Variants in CELF4 observed in about 807,000 individuals in gnomAD.
CELF4 encodes the protein CUG-BP- and ETR-3-like factor 4.
In CELF4, 18 loss-of-function variants were observed where a neutral mutation model predicts 59.9. That is an observed-to-expected ratio of 0.30 (90% confidence interval 0.21 to 0.45). The LOEUF is 0.45. Among genes scored for constraint, CELF4 ranks in the 20% least tolerant of loss-of-function variants. The pLI, the probability that CELF4 is intolerant of heterozygous loss-of-function variation, is 1.00. For synonymous variants in CELF4, 261 were observed against 267.1 expected (o/e 0.98, Z 0.22); for missense variants, 456 against 689.0 (o/e 0.66, Z 3.79).
At chr18:37,352,725 G>T (rs368774400) in intron 2 of CELF4, among the ~76,000 whole-genome samples, 1 of 152,220 alleles carries the variant, frequency 6.6e-6, no homozygotes, top group African/African-American at 2.4e-5. Flanking sequence ...CTGGAGGTCA[G>T]CATTGGAAGC....
chr18:37,412,586 G>A (rs917166066), intron 2 of CELF4, among the ~76,000 whole-genome samples: 2 of 151,908 alleles, frequency 1.3e-5, no homozygotes, highest in Admixed American at 6.6e-5. Context: ...GAATGGTTGA[G>A]TGGACGGGTA....
rs578168652 is a variant in CELF4 at position 37,258,371 on chromosome 18, A to C, written c.1333+810T>G. 2.7e-5 allele frequency among the ~76,000 whole-genome samples: 4 copies of C among 149,532 alleles called. No homozygotes were observed. In the South Asian group the frequency reaches 8.5e-4, roughly 32 times the overall value. ...CTCACCCCAGCCCCATGCCTTCCTC[A>C]TCCAATTCTCCCCACGTGGAGTTCC... On this transcript the variant is annotated intron_variant, in intron 11 of 12. Transcript: ENST00000420428.
intron 1 of CELF4, among the ~76,000 whole-genome samples, chr18:37,535,004 G>A (rs949349252): frequency 1.3e-5 from 2 of 152,212 alleles, no homozygotes; most frequent in African/African-American, 4.8e-5. Context: ...TGTCTACATG[G>A]CAGGCTGACG....
chr18:37,546,314 G>A (rs1427848563), intron 1 of CELF4, among the ~76,000 whole-genome samples: 1 of 152,132 alleles, frequency 6.6e-6, no homozygotes, highest in South Asian at 2.1e-4. Context: ...CGGGATTGGA[G>A]TGTACTCACT....
intron 2 of CELF4, among the ~76,000 whole-genome samples, chr18:37,345,812 G>T (rs559804609): frequency 9.5e-4 from 145 of 152,184 alleles, no homozygotes; most frequent in Non-Finnish European, 1.7e-3. Flanking sequence ...TGAGGCTGAG[G>T]TCTCTCCAGT....
At chr18:37,348,961 C>CT (rs889146311) in intron 2 of CELF4, among the ~76,000 whole-genome samples, 22 of 152,128 alleles carry the variant, frequency 1.4e-4, no homozygotes, top group African/African-American at 4.8e-4. Flanking sequence ...TTGGGAGAGG[C>CT]TGCAGGCTGA....
chr18:37,278,192 T>C (rs2093635962), intron 3 of CELF4, among the ~76,000 whole-genome samples: 1 of 152,074 alleles, frequency 6.6e-6, no homozygotes, highest in Non-Finnish European at 1.5e-5. Context: ...TTTCTAAACA[T>C]ATAAGCTGCC....
chr18:37,525,835 C>G (rs984160583), intron 1 of CELF4, among the ~76,000 whole-genome samples: 16 of 152,184 alleles, frequency 1.1e-4, no homozygotes, highest in African/African-American at 3.9e-4. Context: ...TCACAAGATC[C>G]CTTGTTCACA....
At chr18:37,395,686 G>A (rs185381349) in intron 2 of CELF4, among the ~76,000 whole-genome samples, 12 of 152,314 alleles carry the variant, frequency 7.9e-5, no homozygotes, top group Admixed American at 6.5e-4. Context: ...TGGTAGAGGC[G>A]CTGAAGTCCA....
chr18:37,266,161 G>A (rs564710044), intron 9 of CELF4: 1 of 379,180 alleles, frequency 2.6e-6, no homozygotes, highest in African/African-American at 2.1e-5. Context: ...CCCATGGTGG[G>A]CAGCATCCAG....
chr18:37,282,770 C>G (rs2094307233), intron 3 of CELF4, among the ~76,000 whole-genome samples: 1 of 152,144 alleles, frequency 6.6e-6, no homozygotes, highest in African/African-American at 2.4e-5. Context: ...CCAGGCTGGC[C>G]ATCCTCCCAA....
intron 3 of CELF4, among the ~76,000 whole-genome samples, chr18:37,312,137 A>AAAAAAAAGAAAAG (rs2096692252): frequency 2.2e-4 from 31 of 141,290 alleles, no homozygotes; most frequent in South Asian, 4.4e-4. Context: ...AAAAGAAAAA[A>AAAAAAAAGAAAAG]AAAAAAAGAA....
intron 1 of CELF4, among the ~76,000 whole-genome samples, chr18:37,509,831 A>T (rs948545): frequency 0.84 from 128,172 of 152,274 alleles, 55,399 homozygotes; most frequent in East Asian, 0.97. Flanking sequence ...TTCAGCCATC[A>T]AAAGGAAGAT....
intron 3 of CELF4, among the ~76,000 whole-genome samples, chr18:37,283,549 A>T (rs1000385064): frequency 7.2e-5 from 11 of 152,092 alleles, no homozygotes; most frequent in African/African-American, 2.4e-4. Flanking sequence ...CAATAAATAC[A>T]TGTTGCCATG....
chr18:37,531,458 C>T (rs980156347), intron 1 of CELF4, among the ~76,000 whole-genome samples: 8 of 152,178 alleles, frequency 5.3e-5, no homozygotes, highest in Non-Finnish European at 1.0e-4. Flanking sequence ...AATAGCACCT[C>T]GCTGCTTTTA....
In CELF4 at chr18:37,253,727, T is replaced by A; in HGVS notation, c.*44+40A>T. 1 of 1,484,894 alleles carries A rather than the reference T, an allele frequency of 6.7e-7. No homozygotes were observed. Among genetic ancestry groups the A allele is most frequent in the Non-Finnish European group, 9.1e-7 (1 of 1,104,500 alleles). The allele number at this position is 1,484,894 out of a possible 1,614,324, so 92.0% of individuals were successfully genotyped here. A position where few individuals can be genotyped will look rare whatever the true frequency, so the allele number is the denominator to read the frequency against. On this transcript the variant is annotated intron_variant, in intron 12 of 12. Coordinates refer to ENST00000420428, the MANE Select transcript of CELF4 (RefSeq NM_020180.4). The surrounding 1 kb of genome is among the most constrained non-coding windows in gnomAD (Gnocchi z 4.5). The stretch of plus-strand genomic sequence containing the variant: ...GAGGCGGCGGGTCCGTCTGGTTCCC[T>A]CCCAACCCCCGTCCCCGCGCCCCGG...
intron 2 of CELF4, among the ~76,000 whole-genome samples, chr18:37,322,351 G>A (rs1046020949): frequency 1.3e-5 from 2 of 152,218 alleles, no homozygotes; most frequent in African/African-American, 4.8e-5. Context: ...ATCCCAGCCC[G>A]TACCAGCTCG....
chr18:37,360,697 G>T (rs954931989), intron 2 of CELF4, among the ~76,000 whole-genome samples: 3 of 152,200 alleles, frequency 2.0e-5, no homozygotes, highest in African/African-American at 7.2e-5. Context: ...GGCAGGGAAG[G>T]CTCCTCTGCT....
At chr18:37,466,915 GA>G (rs2099810492) in intron 2 of CELF4, among the ~76,000 whole-genome samples, 1 of 152,176 alleles carries the variant, frequency 6.6e-6, no homozygotes, top group Non-Finnish European at 1.5e-5. Context: ...CCAGGCAAAG[GA>G]AACTAGTGGA....
Sources: gnomAD v4.1 joint callset for allele counts (sites outside exome capture counted in the v4.1 genomes callset) on GRCh38, gnomAD v4.1.1 for gene constraint, Gnocchi (gnomAD v3.1) non-coding constraint, MANE v1.5 for transcripts, NCBI Gene and HGNC (gene_info 2026-07-23, HGNC 2026-07-21) for gene names.